The following LRP1B variants were observed in gnomAD, a reference collection of about 807,000 sequenced individuals.
LRP1B encodes LDL receptor related protein 1B, also known as low-density lipoprotein receptor-related protein 1B.
In LRP1B, 217 loss-of-function variants were observed where a neutral mutation model predicts 556.6. That is an observed-to-expected ratio of 0.39 (90% CI 0.35 to 0.44). The LOEUF (loss-of-function observed/expected upper bound fraction) is 0.44, where lower values mean the gene tolerates loss of function less well. LRP1B is among the 20% of genes least tolerant of loss of function. LRP1B has a pLI of 1.00. For synonymous variants in LRP1B, 2,047 were observed against 1,865.8 expected (o/e 1.10, Z -2.50); for missense variants, 5,053 against 5,620.8 (o/e 0.90, Z 3.23).
intron 3 of LRP1B, among the ~76,000 whole-genome samples, chr2:141,340,644 T>C: frequency 6.6e-6 from 1 of 152,162 alleles, no homozygotes; most frequent in Non-Finnish European, 1.5e-5. Flanking sequence ...CCAAGCTATT[T>C]CATTATCATA....
intron 2 of LRP1B, among the ~76,000 whole-genome samples, chr2:141,615,251 T>C (rs926170644): frequency 1.3e-5 from 2 of 152,246 alleles, no homozygotes; most frequent in East Asian, 3.8e-4. Flanking sequence ...GCCTAATTTC[T>C]CTTTGCTGCT....
At chr2:141,361,209 G>C (rs1573856459) in intron 3 of LRP1B, among the ~76,000 whole-genome samples, 1 of 152,056 alleles carries the variant, frequency 6.6e-6, no homozygotes, top group East Asian at 1.9e-4. Flanking sequence ...GCTACAGTGA[G>C]GATATTTTGA....
intron 7 of LRP1B, among the ~76,000 whole-genome samples, chr2:141,121,982 A>T (rs946467828): frequency 3.9e-5 from 6 of 152,184 alleles, no homozygotes; most frequent in Non-Finnish European, 8.8e-5. Flanking sequence ...GACAAACCTG[A>T]CAAAAACAAG....
chr2:141,100,385 A>C (rs1480499296), intron 7 of LRP1B, among the ~76,000 whole-genome samples: 1 of 152,202 alleles, frequency 6.6e-6, no homozygotes, highest in Non-Finnish European at 1.5e-5. Context: ...CAGACCTCTA[A>C]CTGAGGACAT....
chr2:141,397,292 C>T (rs10180393), intron 3 of LRP1B, among the ~76,000 whole-genome samples: 4,081 of 151,422 alleles, frequency 0.027, 184 homozygotes, highest in African/African-American at 0.093. Context: ...TTCCTTCTTT[C>T]GTAGATATTT....
At chr2:142,130,393 C>T (rs1460837426) in intron 1 of LRP1B, among the ~76,000 whole-genome samples, 1 of 152,216 alleles carries the variant, frequency 6.6e-6, no homozygotes, top group Non-Finnish European at 1.5e-5. Flanking sequence ...AGTGCACACA[C>T]TCCCGGAGGG....
intron 2 of LRP1B, among the ~76,000 whole-genome samples, chr2:141,695,573 G>A (rs1691708553): frequency 6.6e-6 from 1 of 151,902 alleles, no homozygotes; most frequent in African/African-American, 2.4e-5. Context: ...ATGTGATAAA[G>A]CTGATTTGAA....
intron 63 of LRP1B, 99 bp from the exon 64 acceptor site, chr2:140,444,778 T>C: frequency 1.4e-6 from 1 of 722,206 alleles, no homozygotes; most frequent in Non-Finnish European, 2.4e-6. Flanking sequence ...ATAATAAATA[T>C]ATCCTGGAAT....
At chr2:141,656,617 G>T (rs1452994755) in intron 2 of LRP1B, among the ~76,000 whole-genome samples, 1 of 152,112 alleles carries the variant, frequency 6.6e-6, no homozygotes, top group Non-Finnish European at 1.5e-5. Flanking sequence ...TGTGTGCAAA[G>T]CAGTACAATT....
intron 1 of LRP1B, among the ~76,000 whole-genome samples, chr2:141,944,736 A>T (rs1355715302): frequency 2.0e-5 from 3 of 152,172 alleles, no homozygotes; most frequent in Non-Finnish European, 4.4e-5. Context: ...AAAAAATGAG[A>T]ATACAATAAA....
At chr2:140,945,590 C>G (rs888850356) in intron 20 of LRP1B, among the ~76,000 whole-genome samples, 3 of 151,876 alleles carry the variant, frequency 2.0e-5, no homozygotes, top group African/African-American at 7.3e-5. Flanking sequence ...ACAAAGTCAA[C>G]AAAAATAAGC....
At chr2:141,447,867 G>A (rs1373293285) in intron 3 of LRP1B, among the ~76,000 whole-genome samples, 1 of 152,198 alleles carries the variant, frequency 6.6e-6, no homozygotes, top group African/African-American at 2.4e-5. Flanking sequence ...GCTGGGAGGT[G>A]TCTCCCCATC....
At chr2:141,244,446 AG>A (rs1683995850) in intron 5 of LRP1B, among the ~76,000 whole-genome samples, 2 of 150,864 alleles carry the variant, frequency 1.3e-5, no homozygotes, top group African/African-American at 4.9e-5. Flanking sequence ...CCAGTAGGGT[AG>A]AATTGTAAGG....
chr2:141,468,479 T>TAC (rs924409227), intron 3 of LRP1B, among the ~76,000 whole-genome samples: 1 of 152,218 alleles, frequency 6.6e-6, no homozygotes, highest in Non-Finnish European at 1.5e-5. Flanking sequence ...ACAGTCTATA[T>TAC]ACACACATAT....
chr2:140,822,748 T>C (rs1691370547), intron 31 of LRP1B, among the ~76,000 whole-genome samples: 1 of 152,208 alleles, frequency 6.6e-6, no homozygotes, highest in African/African-American at 2.4e-5. Flanking sequence ...TATTCCATTA[T>C]CTTTGCTGAG....
Position 140,813,706 on chromosome 2 carries a change from G to T in LRP1B, c.5310C>A (p.Ile1770=), listed in dbSNP as rs180963536. 1.2e-6 allele frequency: 2 copies of T among 1,612,524 alleles called. No individual in the cohort carries two copies. The highest frequency in any genetic ancestry group is 1.3e-5 in the African/African-American group (1 of 74,862). Residue 1770 remains isoleucine (I), a synonymous_variant, in exon 32 of 91, where the codon ATC becomes ATA. Coordinates refer to ENST00000389484, the MANE Select transcript of LRP1B (RefSeq NM_018557.3). ...TTGTTAATTCTTCTTTCATTGACTC[G>T]ATTACTTCTAAATTACCACCATCCA... The part of the protein sequence containing the change: ...CNLDGGNLEV[I]ESMKEELTKA...
chr2:141,804,877 G>C (rs1231451607), intron 2 of LRP1B, among the ~76,000 whole-genome samples: 1 of 152,034 alleles, frequency 6.6e-6, no homozygotes, highest in Non-Finnish European at 1.5e-5. Context: ...TGGAAAAACT[G>C]AGCCTTGGAG....
chr2:141,389,044 T>A (rs1689950248), intron 3 of LRP1B, among the ~76,000 whole-genome samples: 1 of 152,140 alleles, frequency 6.6e-6, no homozygotes, highest in Non-Finnish European at 1.5e-5. Context: ...ACTTAATATA[T>A]TAAGATGCCA....
At chr2:141,457,597 A>T (rs191555527) in intron 3 of LRP1B, among the ~76,000 whole-genome samples, 1 of 152,050 alleles carries the variant, frequency 6.6e-6, no homozygotes, top group East Asian at 1.9e-4. Context: ...ACTTAAAAAT[A>T]AAAATTAAAA....
Sources: gnomAD v4.1 joint callset for allele counts (sites outside exome capture counted in the v4.1 genomes callset) on GRCh38, gnomAD v4.1.1 for gene constraint, MANE v1.5 for transcripts, NCBI Gene and HGNC (gene_info 2026-07-23, HGNC 2026-07-21) for gene names.